CLIC5: variants seen among roughly 807,000 people sequenced by gnomAD.
The protein encoded by CLIC5 is chloride intracellular channel protein 5.
Under a neutral mutation model 24.7 loss-of-function variants are expected in CLIC5, and 20 were observed. The observed-to-expected ratio is 0.81, with a 90% CI of 0.57 to 1.18. The LOEUF is 1.18. Among genes scored for constraint, CLIC5 ranks in the 50% most tolerant of loss-of-function variants. CLIC5 has a pLI of 0.00. For missense variants in CLIC5, 341 were observed against 326.1 expected, an observed-to-expected ratio of 1.05 and a Z score of -0.35; for synonymous variants, 159 against 135.6, an observed-to-expected ratio of 1.17 and a Z score of -1.20.
At chr6:46,093,370 A>G in the CLIC5 span, among the ~76,000 whole-genome samples, 1 of 152,136 alleles carries the variant, frequency 6.6e-6, no homozygotes, top group Non-Finnish European at 1.5e-5. Context: ...TGAAATGCAG[A>G]TTTTTGATTC....
intron 1 of CLIC5, among the ~76,000 whole-genome samples, chr6:46,064,437 G>A (rs995197355): frequency 6.6e-6 from 1 of 151,916 alleles, no homozygotes; most frequent in Admixed American, 6.6e-5. Context: ...CATTCTAGGT[G>A]GGCATTATCC....
chr6:45,912,317 C>T (rs1021605177), intron 5 of CLIC5: 102 of 1,006,134 alleles, frequency 1.0e-4, no homozygotes, highest in Non-Finnish European at 1.2e-4. Context: ...TTTTTGATCT[C>T]CAGCTTCTCT....
At chr6:46,066,622 G>A (rs1180257663) in intron 1 of CLIC5, among the ~76,000 whole-genome samples, 4 of 152,110 alleles carry the variant, frequency 2.6e-5, no homozygotes, top group Non-Finnish European at 4.4e-5. Context: ...ACTGTGGGGG[G>A]TACATGGTTG....
At chr6:45,970,021 A>C (rs912492222) in intron 1 of CLIC5, among the ~76,000 whole-genome samples, 2 of 152,174 alleles carry the variant, frequency 1.3e-5, no homozygotes, top group Non-Finnish European at 2.9e-5. Flanking sequence ...GAAAGCACTC[A>C]GTGCATCTGC....
intron 1 of CLIC5, among the ~76,000 whole-genome samples, chr6:46,010,885 G>A (rs1766783858): frequency 6.6e-6 from 1 of 152,092 alleles, no homozygotes; most frequent in South Asian, 2.1e-4. Flanking sequence ...ATGATGAAGG[G>A]AACTTTAAAA....
At chr6:46,124,970 C>A in the CLIC5 span, among the ~76,000 whole-genome samples, 1 of 152,216 alleles carries the variant, frequency 6.6e-6, no homozygotes, top group Non-Finnish European at 1.5e-5. Flanking sequence ...CACTTTTACA[C>A]TGTTGGTGGG....
At chr6:46,000,222 C>T (rs1045227987) in intron 1 of CLIC5, among the ~76,000 whole-genome samples, 1 of 152,180 alleles carries the variant, frequency 6.6e-6, no homozygotes, top group Non-Finnish European at 1.5e-5. Flanking sequence ...AAAAGTTACA[C>T]ATGGATTTTC....
At chr6:45,974,917 A>G (rs1765336460) in intron 1 of CLIC5, among the ~76,000 whole-genome samples, 2 of 152,186 alleles carry the variant, frequency 1.3e-5, no homozygotes, top group Non-Finnish European at 2.9e-5. Flanking sequence ...CTAAAGTTCA[A>G]GGAAGTTTTG....
chr6:46,084,640 T>A (rs1762992959), upstream of CLIC5, among the ~76,000 whole-genome samples: 2 of 152,232 alleles, frequency 1.3e-5, no homozygotes, highest in Admixed American at 1.3e-4. Flanking sequence ...TGCCGAGAGA[T>A]CCGCTGTTAG....
intron 4 of CLIC5, among the ~76,000 whole-genome samples, chr6:45,921,845 G>A (rs931326941): frequency 6.6e-6 from 1 of 152,190 alleles, no homozygotes; most frequent in African/African-American, 2.4e-5. Flanking sequence ...ACAGTTTAGA[G>A]AGTTCATGTC....
intron 1 of CLIC5, among the ~76,000 whole-genome samples, chr6:46,001,239 G>C (rs1398352666): frequency 1.3e-5 from 2 of 152,200 alleles, no homozygotes; most frequent in Non-Finnish European, 2.9e-5. Context: ...GGTACCAAGA[G>C]AAGGTCCTGG....
chr6:45,990,178 G>T (rs1024466505), intron 1 of CLIC5, among the ~76,000 whole-genome samples: 1 of 152,148 alleles, frequency 6.6e-6, no homozygotes, highest in African/African-American at 2.4e-5. Context: ...TTTTACAAAT[G>T]AAAGGTATTG....
intron 1 of CLIC5, among the ~76,000 whole-genome samples, chr6:46,047,198 G>A (rs920458714): frequency 2.0e-5 from 3 of 152,164 alleles, no homozygotes; most frequent in Non-Finnish European, 4.4e-5. Context: ...ACTTCACTAA[G>A]TGGGAAGTTA....
At chr6:46,047,738 C>T (rs1212534869) in intron 1 of CLIC5, among the ~76,000 whole-genome samples, 1 of 152,136 alleles carries the variant, frequency 6.6e-6, no homozygotes, top group African/African-American at 2.4e-5. Context: ...GTTGATTGAT[C>T]ATCCTAGTGG....
chr6:46,044,429 C>T (rs1767899912), intron 1 of CLIC5, among the ~76,000 whole-genome samples: 2 of 152,076 alleles, frequency 1.3e-5, no homozygotes, highest in Admixed American at 1.3e-4. Flanking sequence ...AGAGATTTTA[C>T]CTGTATCATC....
At chr6:46,100,049 C>T in the CLIC5 span, among the ~76,000 whole-genome samples, 7 of 151,304 alleles carry the variant, frequency 4.6e-5, no homozygotes, top group South Asian at 2.1e-4. Context: ...AACCAGTTTT[C>T]TTCTCCTGGA....
Position 46,009,263 on chromosome 6 carries a change from G to A in CLIC5, c.63+6217C>T, listed in dbSNP as rs148085556. On this transcript the variant is annotated intron_variant, in intron 1 of 5. Coordinates refer to ENST00000339561, the MANE Select transcript of CLIC5 (RefSeq NM_016929.5). ...CATTTCTTTTTACAGGGAAGAATTCGTTTCAGTTCAGACAGTAGGCTATTT... is the reference window on the plus strand; with the variant it reads ...CATTTCTTTTTACAGGGAAGAATTCATTTCAGTTCAGACAGTAGGCTATTT... Among the ~76,000 whole-genome samples the A allele has an allele frequency of 9.2e-5, 14 of 152,096 alleles. No individual in the cohort carries two copies. The East Asian group carries it at 2.7e-3, about 30-fold the overall frequency.
At chr6:45,955,594 T>G (rs1343304554) in intron 1 of CLIC5, among the ~76,000 whole-genome samples, 2 of 152,096 alleles carry the variant, frequency 1.3e-5, no homozygotes, top group African/African-American at 4.8e-5. Context: ...AGTAATCATC[T>G]AGTTTCTGCT....
chr6:45,956,907 C>G (rs78104715), intron 1 of CLIC5, among the ~76,000 whole-genome samples: 3,161 of 152,172 alleles, frequency 0.021, 119 homozygotes, highest in African/African-American at 0.073. Context: ...GTAAAGTTAC[C>G]AATAAAGCAT....
Sources: allele counts gnomAD v4.1 joint callset (sites outside exome capture counted in the v4.1 genomes callset), GRCh38; gene constraint gnomAD v4.1.1; transcripts MANE v1.5; gene names NCBI Gene and HGNC (gene_info 2026-07-23, HGNC 2026-07-21).